DAZAP1: variants seen among roughly 807,000 people sequenced by gnomAD.
DAZAP1 encodes DAZ associated protein 1, also known as DAZ-associated protein 1.
DAZAP1 carries 6 observed loss-of-function variants against 60.1 expected under a neutral mutation model. The observed-to-expected ratio is 0.10, with a 90% confidence interval of 0.05 to 0.20. The LOEUF (loss-of-function observed/expected upper bound fraction) is 0.20. DAZAP1 is among the 10% of genes least tolerant of loss of function. DAZAP1 has a pLI of 1.00. For missense variants in DAZAP1, 366 were observed against 560.4 expected (o/e 0.65, Z 3.50); for synonymous variants, 235 against 215.9 (o/e 1.09, Z -0.78).
rs200285047 is a variant in DAZAP1, at chr19:1,428,886, G to A, written c.591G>A (p.Ala197=). 1.4e-5 allele frequency: 22 copies of A among 1,613,058 alleles called. No homozygotes were observed. The highest frequency in any genetic ancestry group is 5.0e-5 in the Admixed American group (3 of 60,018). The change falls in exon 8 of 12, where the codon GCG becomes GCA. Residue 197 remains alanine, a synonymous_variant. Coordinates refer to ENST00000233078, the MANE Select transcript of DAZAP1 (RefSeq NM_018959.4). This position sits in a 1 kb window ranked among gnomAD's most constrained non-coding sequence, Gnocchi z 4.0. The part of the protein sequence containing the change: ...RAEPRDSKSQ[A]PGQPGASQWG... The stretch of plus-strand genomic sequence containing the variant: ...AGCCTCGGGACAGCAAGAGCCAAGC[G>A]CCGGGACAGCCAGGTGCCAGCCAGT...
At chr19:1,421,126 C>CT (rs767213200) in intron 4 of DAZAP1, 22 bp from the exon 5 acceptor site, 1 of 1,610,304 alleles carries the variant, frequency 6.2e-7, no homozygotes, top group South Asian at 1.1e-5. Context: ...TGTGAACTAA[C>CT]TATCCTTCCC....
intron 6 of DAZAP1, among the ~76,000 whole-genome samples, chr19:1,424,968 G>A (rs2083271276): frequency 6.6e-6 from 1 of 152,188 alleles, no homozygotes; most frequent in Non-Finnish European, 1.5e-5. Context: ...CGTTAGCCGG[G>A]GGCCGCGCCC....
At chr19:1,409,639 A>G (rs1217049885) in intron 1 of DAZAP1, among the ~76,000 whole-genome samples, 1 of 152,242 alleles carries the variant, frequency 6.6e-6, no homozygotes, top group East Asian at 1.9e-4. Flanking sequence ...ACCGGCTTCC[A>G]TTCTATGCGG....
chr19:1,408,726 C>T (rs1194941730), intron 1 of DAZAP1, among the ~76,000 whole-genome samples: 1 of 152,256 alleles, frequency 6.6e-6, no homozygotes. Context: ...GCCGAGGCGT[C>T]CCCTCCTATA....
At chr19:1,415,210 T>C (rs2082941307) in intron 1 of DAZAP1, among the ~76,000 whole-genome samples, 1 of 152,062 alleles carries the variant, frequency 6.6e-6, no homozygotes, top group Non-Finnish European at 1.5e-5. Flanking sequence ...ACGAGTTCCT[T>C]CTGCCAGTGA....
chr19:1,431,848 T>G (rs2083460317), intron 10 of DAZAP1, among the ~76,000 whole-genome samples: 2 of 152,052 alleles, frequency 1.3e-5, no homozygotes, highest in African/African-American at 4.8e-5. Context: ...TGATTTCACC[T>G]GCGGGCCCTG....
Position 1,407,656 on chromosome 19 carries a change from GCCGCCGT to G in DAZAP1, c.-117_-111del. On this transcript the variant is annotated 5_prime_UTR_variant, in exon 1 of 12. Coordinates refer to ENST00000233078, the MANE Select transcript of DAZAP1 (RefSeq NM_018959.4). ...CGCCGCCGCCGCCGCCGCCGCCGCCGCCGCCGTTGCGCAGATCCGGGCCGCGGCTGTG... is the reference window on the plus strand; with the variant it reads ...CGCCGCCGCCGCCGCCGCCGCCGCCGTGCGCAGATCCGGGCCGCGGCTGTG... 2 of 964,566 alleles carry G rather than the reference GCCGCCGT, an allele frequency of 2.1e-6. No individual in the cohort carries two copies. The highest frequency in any genetic ancestry group is 2.5e-6 in the Non-Finnish European group (2 of 807,850). The allele number at this position is 964,566 out of a possible 1,614,324, so 59.8% of individuals were successfully genotyped here. A position where few individuals can be genotyped will look rare whatever the true frequency, so the allele number is the denominator to read the frequency against.
At chr19:1,414,469 G>A (rs2082916661) in intron 1 of DAZAP1, among the ~76,000 whole-genome samples, 1 of 152,100 alleles carries the variant, frequency 6.6e-6, no homozygotes, top group South Asian at 2.1e-4. Flanking sequence ...GAAAGTGGCC[G>A]GGCGCAGCTA....
In DAZAP1 at chr19:1,430,254, G is replaced by GGCGCC; in HGVS notation, c.763_764insGCGCC (p.Ala255GlyfsTer82). ...TGGACCGCCCCCTGCAGGAAGAGGA[G>GGCGCC]CCCCCCCGCCACCCCCACCGTTCAC... On this transcript the variant is annotated frameshift_variant, in exon 10 of 12. Transcript: ENST00000233078. LOFTEE classifies it high-confidence loss of function. 1 of 1,295,268 alleles carries GGCGCC rather than the reference G, an allele frequency of 7.7e-7. No homozygotes were observed. The highest frequency in any genetic ancestry group is 1.1e-6 in the Non-Finnish European group (1 of 924,076). The allele number at this position is 1,295,268 out of a possible 1,614,324, so 80.2% of individuals were successfully genotyped here. A position where few individuals can be genotyped will look rare whatever the true frequency, so the allele number is the denominator to read the frequency against.
At position 1,407,632 on chromosome 19, in the gene DAZAP1, G is replaced by GCCA; in HGVS notation, c.-140_-139insACC. 1 of 800,284 alleles carries GCCA rather than the reference G, an allele frequency of 1.2e-6. No individual in the cohort carries two copies. Among genetic ancestry groups the GCCA allele is most frequent in the Non-Finnish European group, 1.5e-6 (1 of 661,982 alleles). 49.6% of individuals were successfully genotyped at this position (800,284 alleles called of 1,614,324 possible). On this transcript the variant is annotated 5_prime_UTR_variant, in exon 1 of 12. Coordinates refer to ENST00000233078, the MANE Select transcript of DAZAP1 (RefSeq NM_018959.4). ...AGGGGAGGAGGCAGCCGCCGCCGCC[G>GCCA]CCGCCGCCGCCGCCGCCGCCGCCGC...
rs752584370 is a variant in DAZAP1 at position 1,412,257 on chromosome 19, G to A, written c.29+4455G>A. On this transcript the variant is annotated intron_variant, in intron 1 of 11. Coordinates refer to ENST00000233078, the MANE Select transcript of DAZAP1 (RefSeq NM_018959.4). ...CTGGGGAGAGGGAGTCCAGGCTATG[G>A]AGGGGCGGGCTGGGCTCACTGGCCT... Among the ~76,000 whole-genome samples, 124 of 152,324 alleles carry A rather than the reference G, an allele frequency of 8.1e-4. 1 individual carries two copies. The highest frequency in any genetic ancestry group is 4.1e-3 in the Admixed American group (62 of 15,306).
At chr19:1,421,401 C>A in intron 5 of DAZAP1, 143 bp downstream of exon 5, 1 of 682,588 alleles carries the variant, frequency 1.5e-6, no homozygotes, top group South Asian at 1.8e-5. Flanking sequence ...TTCCCCAACG[C>A]CTGCGCCCTC....
At chr19:1,427,793 T>G (rs2083342627) in intron 7 of DAZAP1, 1 of 152,354 alleles carries the variant, frequency 6.6e-6, no homozygotes, top group Admixed American at 6.5e-5. Flanking sequence ...TTTGTGCCTC[T>G]GTGGCTGCTG....
At position 1,435,084 on chromosome 19, in the gene DAZAP1, A is replaced by T; in HGVS notation, c.*172A>T. On this transcript the variant is annotated 3_prime_UTR_variant, in exon 12 of 12. Coordinates refer to ENST00000233078, the MANE Select transcript of DAZAP1 (RefSeq NM_018959.4). Reference sequence around the variant, plus strand: ...GTGTCGTCTGGACTGAGGTTTTTAAATATTTCTTTCTCTAACCCATCAGCA... The same window carrying T: ...GTGTCGTCTGGACTGAGGTTTTTAATTATTTCTTTCTCTAACCCATCAGCA... 2.1e-6 allele frequency: 1 copy of T among 468,414 alleles called. No homozygotes were observed. Among genetic ancestry groups the T allele is most frequent in the Non-Finnish European group, 3.5e-6 (1 of 286,254 alleles). 29.0% of individuals were successfully genotyped at this position (468,414 alleles called of 1,614,324 possible). A position where few individuals can be genotyped will look rare whatever the true frequency, so the allele number is the denominator to read the frequency against.
intron 1 of DAZAP1, among the ~76,000 whole-genome samples, chr19:1,409,037 G>A (rs2082748869): frequency 6.6e-6 from 1 of 152,190 alleles, no homozygotes; most frequent in African/African-American, 2.4e-5. Flanking sequence ...TCACACTTGT[G>A]GATGGGAAAT....
At chr19:1,411,849 G>T (rs887469577) in intron 1 of DAZAP1, among the ~76,000 whole-genome samples, 2 of 152,232 alleles carry the variant, frequency 1.3e-5, no homozygotes, top group African/African-American at 2.4e-5. Context: ...TATGTTCATG[G>T]TGCGACCCGT....
chr19:1,412,411 T>G (rs1013832664), intron 1 of DAZAP1, among the ~76,000 whole-genome samples: 2 of 152,218 alleles, frequency 1.3e-5, no homozygotes, highest in Non-Finnish European at 2.9e-5. Context: ...GGGCCTGGAC[T>G]TCTGCCTCTT....
In DAZAP1 at chr19:1,419,438, C is replaced by T. The variant is rs554357201; in HGVS notation, c.303+707C>T. Among the ~76,000 whole-genome samples the T allele has an allele frequency of 4.4e-4, 67 of 152,342 alleles. 1 individual carries two copies. The highest frequency in any genetic ancestry group is 1.5e-3 in the African/African-American group (63 of 41,570). On this transcript the variant is annotated intron_variant, in intron 4 of 11. Transcript: ENST00000233078. The stretch of plus-strand genomic sequence containing the variant: ...GGTCTATATGTATTTACATCCATCT[C>T]TGTCCACATACACCATTCCTAAGGA...
In DAZAP1 at chr19:1,430,273, C is replaced by CCCT; in HGVS notation, c.782_783insCCT (p.Pro261_Phe262insLeu). ...AGAGGAGCCCCCCCGCCACCCCCAC[C>CCCT]GTTCACCTCCTACATCGTGTCCACC... On this transcript the variant is annotated inframe_insertion, in exon 10 of 12. Transcript: ENST00000233078. The CCCT allele has an allele frequency of 2.1e-6, 3 of 1,429,528 alleles. No homozygotes were observed. Among genetic ancestry groups the CCCT allele is most frequent in the Non-Finnish European group, 2.9e-6 (3 of 1,036,336 alleles). The allele number at this position is 1,429,528 out of a possible 1,614,324, so 88.6% of individuals were successfully genotyped here.
Sources: gnomAD v4.1 joint callset for allele counts (sites outside exome capture counted in the v4.1 genomes callset) on GRCh38, gnomAD v4.1.1 for gene constraint, Gnocchi (gnomAD v3.1) non-coding constraint, MANE v1.5 for transcripts, NCBI Gene and HGNC (gene_info 2026-07-23, HGNC 2026-07-21) for gene names.